Variants in GPC6 observed in about 807,000 individuals in gnomAD.
The protein encoded by GPC6 is glypican 6, also known as glypican-6.
In GPC6, 14 loss-of-function variants were observed where a neutral mutation model predicts 55.2. The observed-to-expected ratio is 0.25, with a 90% CI of 0.17 to 0.40. The LOEUF is 0.40. GPC6 is among the 10% of genes least tolerant of loss of function. GPC6 has a pLI of 1.00. For synonymous variants in GPC6, 278 were observed against 259.6 expected (o/e 1.07, Z -0.68); for missense variants, 641 against 708.5 (o/e 0.90, Z 1.08).
chr13:93,499,251 G>C (rs1419405408), intron 1 of GPC6, among the ~76,000 whole-genome samples: 1 of 152,076 alleles, frequency 6.6e-6, no homozygotes, highest in Non-Finnish European at 1.5e-5. Flanking sequence ...TTGGTTTTAA[G>C]ATTAAAAAAG....
chr13:93,603,702 C>T (rs1233584571), intron 2 of GPC6, among the ~76,000 whole-genome samples: 1 of 152,180 alleles, frequency 6.6e-6, no homozygotes, highest in Non-Finnish European at 1.5e-5. Flanking sequence ...ACTTTCAAAC[C>T]TAAGCATGCA....
chr13:93,241,607 G>A (rs755925124), intron 1 of GPC6, among the ~76,000 whole-genome samples: 7 of 151,890 alleles, frequency 4.6e-5, no homozygotes, highest in Non-Finnish European at 7.4e-5. Flanking sequence ...ACTTCCTCTT[G>A]GATCTCATTC....
At chr13:94,382,282 C>T (rs966937797) in intron 6 of GPC6, 132 bp from the exon 7 acceptor site, 1 of 923,450 alleles carries the variant, frequency 1.1e-6, no homozygotes, top group African/African-American at 1.6e-5. Context: ...CAGTGTCTCT[C>T]TCTTAAAACT....
At chr13:94,218,422 A>T (rs1890285047) in intron 4 of GPC6, among the ~76,000 whole-genome samples, 1 of 152,180 alleles carries the variant, frequency 6.6e-6, no homozygotes, top group Admixed American at 6.5e-5. Context: ...AGAGGTAAAA[A>T]TGGCAGGGTT....
At chr13:93,968,031 A>G (rs9284276) in intron 3 of GPC6, among the ~76,000 whole-genome samples, 35,392 of 152,070 alleles carry the variant, frequency 0.23, 4,696 homozygotes, top group East Asian at 0.39. Context: ...TAAAAATAAA[A>G]AATTAGGAGT....
In GPC6 at chr13:94,224,021, T is replaced by C. The variant is rs1890469037; in HGVS notation, c.878-62328T>C. On this transcript the variant is annotated intron_variant, in intron 4 of 8. Transcript: ENST00000377047. ...GTGGTCCATTTAGTGCCATTGTTTC[T>C]GCATTGATGTGTTTTTGTGGTAATG... Among the ~76,000 whole-genome samples the C allele has an allele frequency of 2.0e-5, 3 of 152,200 alleles. No individual in the cohort carries two copies. In the South Asian group the frequency reaches 6.2e-4, roughly 32 times the overall value.
intron 2 of GPC6, among the ~76,000 whole-genome samples, chr13:93,556,612 C>T (rs1019416339): frequency 6.6e-6 from 1 of 151,626 alleles, no homozygotes; most frequent in East Asian, 1.9e-4. Flanking sequence ...CTCTGTTGTG[C>T]TATCAAATAA....
chr13:94,200,736 CT>C (rs1475326081), intron 4 of GPC6, among the ~76,000 whole-genome samples: 1 of 152,162 alleles, frequency 6.6e-6, no homozygotes, highest in Non-Finnish European at 1.5e-5. Context: ...CTACAGCATT[CT>C]TTGTATAGGT....
intron 1 of GPC6, among the ~76,000 whole-genome samples, chr13:93,382,759 T>C (rs1407128309): frequency 6.6e-6 from 1 of 152,250 alleles, no homozygotes; most frequent in Non-Finnish European, 1.5e-5. Context: ...TTTTTATGTC[T>C]AGCATTGTTT....
chr13:93,401,526 TAA>T (rs55690289), intron 1 of GPC6, among the ~76,000 whole-genome samples: 1 of 145,750 alleles, frequency 6.9e-6, no homozygotes, highest in African/African-American at 2.5e-5. Context: ...TAGGTTGCAC[TAA>T]AAAAAAAAAG....
rs562127848 is a variant in GPC6 at position 93,342,407 on chromosome 13, G to A, written c.160+114791G>A. Among the ~76,000 whole-genome samples the A allele has an allele frequency of 4.6e-4, 70 of 152,242 alleles. No homozygotes were observed. The South Asian group carries it at 0.01, about 22-fold the overall frequency. On this transcript the variant is annotated intron_variant, in intron 1 of 8. Transcript: ENST00000377047. ...GGAGCAAACCCATGTCTTACATGGCGGCAGGCAAGAGAGTGTATGCAGGAG... is the reference window on the plus strand; with the variant it reads ...GGAGCAAACCCATGTCTTACATGGCAGCAGGCAAGAGAGTGTATGCAGGAG...
At chr13:94,285,232 GT>G (rs1441396287) in intron 4 of GPC6, among the ~76,000 whole-genome samples, 3 of 151,970 alleles carry the variant, frequency 2.0e-5, no homozygotes, top group African/African-American at 7.2e-5. Flanking sequence ...GAGCCGTTTA[GT>G]TTTATGTTTA....
At position 93,303,372 on chromosome 13, in the gene GPC6, T is replaced by C. The variant is rs149505994; in HGVS notation, c.160+75756T>C. Among the ~76,000 whole-genome samples the C allele has an allele frequency of 5.2e-3, 791 of 152,318 alleles. 3 individuals are homozygous for C. Among genetic ancestry groups the C allele is most frequent in the Middle Eastern group, 0.014 (4 of 294 alleles). On this transcript the variant is annotated intron_variant, in intron 1 of 8. Transcript: ENST00000377047. ...CATGATTGTTGGGAAAATAAGTAAG[T>C]TAATACACATGAAATCTTTAGGACA... is the stretch of plus-strand genomic sequence containing the variant.
chr13:93,676,466 A>AT (rs1405231160), intron 2 of GPC6, among the ~76,000 whole-genome samples: 1 of 151,934 alleles, frequency 6.6e-6, no homozygotes, highest in East Asian at 1.9e-4. Flanking sequence ...TGGTATTAGG[A>AT]TTTGGGGAAT....
At chr13:94,237,910 G>A (rs966135991) in intron 4 of GPC6, among the ~76,000 whole-genome samples, 3 of 152,188 alleles carry the variant, frequency 2.0e-5, no homozygotes, top group Non-Finnish European at 4.4e-5. Context: ...GCTGAGAAGA[G>A]ATGCTCTTGC....
At chr13:93,488,849 C>A (rs1879838433) in intron 1 of GPC6, among the ~76,000 whole-genome samples, 1 of 151,922 alleles carries the variant, frequency 6.6e-6, no homozygotes, top group Non-Finnish European at 1.5e-5. Flanking sequence ...TGTTTGAATT[C>A]TTTGTAGATT....
At chr13:93,506,873 T>C (rs1175081376) in intron 1 of GPC6, among the ~76,000 whole-genome samples, 2 of 89,206 alleles carry the variant, frequency 2.2e-5, no homozygotes, top group East Asian at 6.6e-4. Flanking sequence ...ACCCTGTCTC[T>C]ACTAAAAAAA....
chr13:93,377,106 TCA>T (rs1232077633), intron 1 of GPC6, among the ~76,000 whole-genome samples: 1 of 152,194 alleles, frequency 6.6e-6, no homozygotes, highest in Non-Finnish European at 1.5e-5. Context: ...CAATCTTCTT[TCA>T]CAAAGCTCAG....
chr13:93,338,995 AG>A (rs1880141127), intron 1 of GPC6, among the ~76,000 whole-genome samples: 1 of 152,156 alleles, frequency 6.6e-6, no homozygotes, highest in South Asian at 2.1e-4. Context: ...GTGATGTCAA[AG>A]CATTTACGCC....
Sources: allele counts gnomAD v4.1 joint callset (sites outside exome capture counted in the v4.1 genomes callset), GRCh38; gene constraint gnomAD v4.1.1; transcripts MANE v1.5; gene names NCBI Gene and HGNC (gene_info 2026-07-23, HGNC 2026-07-21).